The following TNFAIP8L3 variants were observed in gnomAD, a reference collection of about 807,000 sequenced individuals.
The protein encoded by TNFAIP8L3 is tumor necrosis factor alpha-induced protein 8-like protein 3.
In TNFAIP8L3, 7 loss-of-function variants were observed where a neutral mutation model predicts 11.8. The observed-to-expected ratio is 0.59, with a 90% CI of 0.34 to 1.11. The LOEUF (loss-of-function observed/expected upper bound fraction) is 1.11, where lower values mean the gene tolerates loss of function less well. Among genes scored for constraint, TNFAIP8L3 ranks in the 50% most tolerant of loss-of-function variants. The probability of loss-of-function intolerance (pLI) is 0.03; values close to 1 mark genes in which losing one functional copy is unlikely to be tolerated. For synonymous variants in TNFAIP8L3, 98 were observed against 103.8 expected (o/e 0.94, Z 0.34); for missense variants, 219 against 258.6 (o/e 0.85, Z 1.05).
At chr15:51,093,444 T>A (rs895824695) in intron 1 of TNFAIP8L3, among the ~76,000 whole-genome samples, 1 of 152,202 alleles carries the variant, frequency 6.6e-6, no homozygotes, top group Non-Finnish European at 1.5e-5. Flanking sequence ...AGGGTATTAA[T>A]AATATACGCA....
intron 1 of TNFAIP8L3, chr15:51,064,865 T>A (rs1017441871): frequency 6.6e-6 from 1 of 152,204 alleles, no homozygotes; most frequent in Non-Finnish European, 1.5e-5. Context: ...AGGTCACAAG[T>A]GTGCTTGGGA....
intron 1 of TNFAIP8L3, among the ~76,000 whole-genome samples, chr15:51,072,989 C>CT (rs2065321403): frequency 0.029 from 1,339 of 45,486 alleles, 76 homozygotes; most frequent in Middle Eastern, 0.052. Flanking sequence ...AAACTGGGAT[C>CT]CTTTTTTTTT....
chr15:51,071,823 C>T (rs2065310929), intron 1 of TNFAIP8L3, among the ~76,000 whole-genome samples: 1 of 152,200 alleles, frequency 6.6e-6, no homozygotes, highest in African/African-American at 2.4e-5. Context: ...TGCACTTCCT[C>T]ATCAACACTT....
chr15:51,064,882 G>A (rs191108652), intron 1 of TNFAIP8L3: 1 of 152,194 alleles, frequency 6.6e-6, no homozygotes, highest in Admixed American at 6.5e-5. Context: ...GGGATATTTG[G>A]GAAACAGGCC....
chr15:51,059,032 GGTT>G (rs1434438026), intron 1 of TNFAIP8L3, among the ~76,000 whole-genome samples: 1 of 152,210 alleles, frequency 6.6e-6, no homozygotes, highest in Non-Finnish European at 1.5e-5. Context: ...GTTGTGCTGT[GGTT>G]GTTATTACCT....
At chr15:51,104,783 T>A (rs2065578071) in intron 1 of TNFAIP8L3, among the ~76,000 whole-genome samples, 1 of 152,212 alleles carries the variant, frequency 6.6e-6, no homozygotes, top group African/African-American at 2.4e-5. Flanking sequence ...TCTAAGTGAA[T>A]CAATGTTGAG....
In TNFAIP8L3 at chr15:51,088,016, ATTC is replaced by A. The variant is rs2065442601; in HGVS notation, c.52+6525_52+6527del. Among the ~76,000 whole-genome samples the A allele has an allele frequency of 4.1e-5, 6 of 147,482 alleles. No homozygotes were observed. In the South Asian group the frequency reaches 1.3e-3, roughly 32 times the overall value. ...TTTTTAGAGGAAACTTGTCTTTTAA[ATTC>A]TTCTTCTCTATCCTTTTATTTCTAT... On this transcript the variant is annotated intron_variant, in intron 1 of 1. Coordinates refer to ENST00000637513, the MANE Select transcript of TNFAIP8L3 (RefSeq NM_001311175.2).
At chr15:51,066,343 A>G (rs906269137) in intron 1 of TNFAIP8L3, among the ~76,000 whole-genome samples, 1 of 151,996 alleles carries the variant, frequency 6.6e-6, no homozygotes, top group Non-Finnish European at 1.5e-5. Context: ...TTGTATTTTT[A>G]GTAGAGACGG....
chr15:51,076,820 T>C (rs1324537379), intron 1 of TNFAIP8L3, among the ~76,000 whole-genome samples: 2 of 152,172 alleles, frequency 1.3e-5, no homozygotes, highest in African/African-American at 2.4e-5. Context: ...TCTGGGTCTG[T>C]TAAATGAGAA....
At chr15:51,061,482 A>T (rs897067854) in intron 1 of TNFAIP8L3, among the ~76,000 whole-genome samples, 1 of 152,260 alleles carries the variant, frequency 6.6e-6, no homozygotes, top group African/African-American at 2.4e-5. Flanking sequence ...TAACGTAAGT[A>T]CCGTTGTTAT....
At chr15:51,081,745 T>C (rs144534663) in intron 1 of TNFAIP8L3, among the ~76,000 whole-genome samples, 42 of 152,348 alleles carry the variant, frequency 2.8e-4, no homozygotes, top group African/African-American at 9.1e-4. Flanking sequence ...GGCACATCAC[T>C]GACCTCCCTC....
intron 1 of TNFAIP8L3, among the ~76,000 whole-genome samples, chr15:51,079,876 A>AAAAG (rs1403549354): frequency 2.7e-5 from 4 of 150,180 alleles, no homozygotes; most frequent in African/African-American, 7.4e-5. Context: ...AAAAAAAAAA[A>AAAAG]AAAGAAAGAA....
intron 1 of TNFAIP8L3, among the ~76,000 whole-genome samples, chr15:51,071,017 C>A (rs1341100604): frequency 7.8e-6 from 1 of 128,564 alleles, no homozygotes; most frequent in African/African-American, 2.8e-5. Context: ...CGCCACTGCA[C>A]TCCAGCCTGG....
upstream of TNFAIP8L3, among the ~76,000 whole-genome samples, chr15:51,099,374 G>A (rs182955600): frequency 1.3e-3 from 199 of 152,220 alleles, no homozygotes; most frequent in African/African-American, 4.6e-3. Context: ...CAGCAGGATA[G>A]CTTTCTTGGT....
chr15:51,068,660 GT>G (rs113982459), intron 1 of TNFAIP8L3, among the ~76,000 whole-genome samples: 2,613 of 115,726 alleles, frequency 0.023, 15 homozygotes, highest in African/African-American at 0.035. Flanking sequence ...CACCCCTCCT[GT>G]TTTTTTTTTT....
chr15:51,098,136 G>A (rs2065526886), upstream of TNFAIP8L3, among the ~76,000 whole-genome samples: 1 of 152,146 alleles, frequency 6.6e-6, no homozygotes. Flanking sequence ...TTTGTAAGGT[G>A]TCAAGAAACA....
At chr15:51,065,039 A>G (rs1482851016) in intron 1 of TNFAIP8L3, among the ~76,000 whole-genome samples, 5 of 152,202 alleles carry the variant, frequency 3.3e-5, no homozygotes, top group African/African-American at 1.2e-4. Context: ...AAAAGTTCCC[A>G]TTTTCCAGGC....
chr15:51,086,191 C>G (rs549550496), intron 1 of TNFAIP8L3, among the ~76,000 whole-genome samples: 1 of 152,332 alleles, frequency 6.6e-6, no homozygotes, highest in African/African-American at 2.4e-5. Context: ...TGGTATCTCT[C>G]TTAACTCTGC....
chr15:51,088,683 A>G lies in TNFAIP8L3; in HGVS notation c.52+5861T>C, dbSNP rs543646316. 2.4e-4 allele frequency among the ~76,000 whole-genome samples: 37 copies of G among 152,338 alleles called. 1 individual carries two copies. The highest frequency in any genetic ancestry group is 1.6e-3 in the Admixed American group (24 of 15,308). ...GAAACTGCCCCAAAGAGGTCTAGAC[A>G]AAGTTTGCAGTTCAACAACTATCCC... On this transcript the variant is annotated intron_variant, in intron 1 of 1. Transcript: ENST00000637513.
Sources: gnomAD v4.1 joint callset for allele counts (sites outside exome capture counted in the v4.1 genomes callset) on GRCh38, gnomAD v4.1.1 for gene constraint, MANE v1.5 for transcripts, NCBI Gene and HGNC (gene_info 2026-07-23, HGNC 2026-07-21) for gene names.